CX3CR1: variants seen among roughly 807,000 people sequenced by gnomAD.
CX3CR1 encodes the protein C-X3-C motif chemokine receptor 1, also known as CX3C chemokine receptor 1.
For synonymous variants in CX3CR1, 168 were observed against 178.5 expected (o/e 0.94, Z 0.47); for missense variants, 363 against 432.4 (o/e 0.84, Z 1.42).
At chr3:39,280,551 TA>T, upstream of CX3CR1, 3 of 839,184 alleles carry the variant, frequency 3.6e-6, no homozygotes, top group Non-Finnish European at 4.3e-6. Flanking sequence ...ATATGCATAC[TA>T]AGTTTGAGAA....
the CX3CR1 span, among the ~76,000 whole-genome samples, chr3:39,289,490 T>G: frequency 6.6e-6 from 1 of 152,330 alleles, no homozygotes. Flanking sequence ...GCACTGTTTC[T>G]GGTCCTGGTT....
chr3:39,283,792 AAATTATAT>A (rs2040924441), upstream of CX3CR1, among the ~76,000 whole-genome samples: 2 of 69,254 alleles, frequency 2.9e-5, no homozygotes, highest in South Asian at 6.5e-4. Context: ...AAAAAAAAAA[AAATTATAT>A]ATATATATAT....
chr3:39,285,946 GC>G (rs2040939655), upstream of CX3CR1: 1 of 152,158 alleles, frequency 6.6e-6, no homozygotes, highest in African/African-American at 2.4e-5. Flanking sequence ...CTTTAAAACA[GC>G]CTTTTCTGTC....
the CX3CR1 span, among the ~76,000 whole-genome samples, chr3:39,291,219 C>G: frequency 0.017 from 2,582 of 151,892 alleles, 67 homozygotes; most frequent in African/African-American, 0.058. Context: ...ACTATGTCCA[C>G]CTAGTTTTTG....
At chr3:39,281,712 G>T, upstream of CX3CR1, 1 of 1,583,400 alleles carries the variant, frequency 6.3e-7, no homozygotes, top group Non-Finnish European at 8.6e-7. Flanking sequence ...TTAAGTCCAC[G>T]GCCTGGTAAG....
In CX3CR1 at chr3:39,266,002, G is replaced by A; in HGVS notation, c.508C>T (p.Gln170Ter). 6.2e-7 allele frequency: 1 copy of A among 1,614,182 alleles called. No homozygotes were observed. The highest frequency in any genetic ancestry group is 8.5e-7 in the Non-Finnish European group (1 of 1,180,044). The change falls in exon 2 of 2, where the codon CAG becomes TAG. Residue 170 changes from glutamine to a stop codon, truncating the protein, a stop_gained. Coordinates refer to ENST00000399220, the MANE Select transcript of CX3CR1 (RefSeq NM_001337.4). LOFTEE classifies it low-confidence loss of function (END_TRUNC). Reference sequence around the variant, plus strand: ...TCACCAAGGCATTCATTTTCTTTCTGCTTTGTGAACATGAACTGGGGTGCT... The same window carrying A: ...TCACCAAGGCATTCATTTTCTTTCTACTTTGTGAACATGAACTGGGGTGCT... ...VAAPQFMFTKQKENECLGDYP... is the reference protein window; with the variant it reads ...VAAPQFMFTK
intron 1 of CX3CR1, among the ~76,000 whole-genome samples, chr3:39,267,913 C>T (rs1159997842): frequency 6.6e-6 from 1 of 152,254 alleles, no homozygotes; most frequent in Non-Finnish European, 1.5e-5. Context: ...TGGGAGGCAG[C>T]CCTTTCACAC....
the CX3CR1 span, among the ~76,000 whole-genome samples, chr3:39,288,696 G>A: frequency 6.6e-6 from 1 of 152,322 alleles, no homozygotes; most frequent in South Asian, 2.1e-4. Context: ...TTTCCCCAGA[G>A]GAAGTGGTGT....
At chr3:39,291,893 A>G in the CX3CR1 span, among the ~76,000 whole-genome samples, 5 of 152,242 alleles carry the variant, frequency 3.3e-5, no homozygotes, top group Admixed American at 6.5e-5. Flanking sequence ...AACCTACAGC[A>G]GATGCCTTCG....
At chr3:39,280,454 T>C (rs772382630), upstream of CX3CR1, 20 of 985,526 alleles carry the variant, frequency 2.0e-5, no homozygotes, top group Non-Finnish European at 2.4e-5. Context: ...TCCCAGGCAC[T>C]GGGAGCTTAT....
At chr3:39,292,819 C>T in the CX3CR1 span, among the ~76,000 whole-genome samples, 1 of 152,198 alleles carries the variant, frequency 6.6e-6, no homozygotes, top group African/African-American at 2.4e-5. Flanking sequence ...GTGTGACTCA[C>T]TGTAGGCACC....
At chr3:39,281,702 T>A, upstream of CX3CR1, 1 of 1,595,100 alleles carries the variant, frequency 6.3e-7, no homozygotes, top group Non-Finnish European at 8.5e-7. Context: ...TCATCCTGGT[T>A]TAAGTCCACG....
Position 39,275,270 on chromosome 3 carries a change from T to C in CX3CR1, c.-10+4684A>G, listed in dbSNP as rs575988731. Among the ~76,000 whole-genome samples the C allele has an allele frequency of 3.3e-5, 5 of 152,360 alleles. No homozygotes were observed. The South Asian group carries it at 6.2e-4, about 19-fold the overall frequency. On this transcript the variant is annotated intron_variant, in intron 1 of 1. Coordinates refer to ENST00000399220, the MANE Select transcript of CX3CR1 (RefSeq NM_001337.4). ...GCTAAGCTAGTCTTTCCCAAGGACC[T>C]GGGCGTCATCTCTTTGAAATGTAAA...
intron 1 of CX3CR1, among the ~76,000 whole-genome samples, chr3:39,271,307 G>T (rs1362505860): frequency 2.0e-5 from 3 of 152,180 alleles, no homozygotes; most frequent in Non-Finnish European, 2.9e-5. Context: ...GAGCACACAG[G>T]TGTCCTTTCT....
chr3:39,273,077 T>C (rs2040797947), intron 1 of CX3CR1, among the ~76,000 whole-genome samples: 2 of 152,262 alleles, frequency 1.3e-5, no homozygotes, highest in South Asian at 4.1e-4. Context: ...CCTGTGCTCC[T>C]TGCACCGCAC....
chr3:39,266,998 G>A (rs771235957), intron 1 of CX3CR1, among the ~76,000 whole-genome samples: 42 of 152,044 alleles, frequency 2.8e-4, no homozygotes, highest in Middle Eastern at 3.2e-3. Flanking sequence ...TAGCCAGGCT[G>A]GTCTCAAACT....
chr3:39,267,217 GA>G (rs1298612497), intron 1 of CX3CR1, among the ~76,000 whole-genome samples: 1 of 151,922 alleles, frequency 6.6e-6, no homozygotes, highest in Non-Finnish European at 1.5e-5. Flanking sequence ...AGGGGGGTGA[GA>G]TGGGGTGAAT....
chr3:39,266,111 C>T lies in CX3CR1; in HGVS notation c.399G>A (p.Leu133=). ...TCCGGTTGTTCATGGAGTTGGCGGC[C>T]AGGACGATGGCCAGGTACCTATCAA... The part of the protein sequence containing the change: ...ISIDRYLAIV[L]AANSMNNRTV... Residue 133 remains leucine, a synonymous_variant, in exon 2 of 2, where the codon CTG becomes CTA. Transcript: ENST00000399220. 1 of 1,614,148 alleles carries T rather than the reference C, an allele frequency of 6.2e-7. No individual in the cohort carries two copies.
rs943736611 is a variant in CX3CR1 at position 39,263,933 on chromosome 3, G to A, written c.*1509C>T. 3.3e-5 allele frequency: 5 copies of A among 152,056 alleles called. No individual in the cohort carries two copies. The highest frequency in any genetic ancestry group is 6.5e-5 in the Admixed American group (1 of 15,278). 9.4% of individuals were successfully genotyped at this position (152,056 alleles called of 1,614,324 possible). On this transcript the variant is annotated 3_prime_UTR_variant, in exon 2 of 2. Coordinates refer to ENST00000399220, the MANE Select transcript of CX3CR1 (RefSeq NM_001337.4). ...CTTTAGCATTATTACAATTGTTTTC[G>A]AGCTTTAAACTTTTAGATTGTTCCA... is the stretch of plus-strand genomic sequence containing the variant.
Sources: allele counts gnomAD v4.1 joint callset (sites outside exome capture counted in the v4.1 genomes callset), GRCh38; gene constraint gnomAD v4.1.1; transcripts MANE v1.5; gene names NCBI Gene and HGNC (gene_info 2026-07-23, HGNC 2026-07-21).